DERA: variants seen among roughly 807,000 people sequenced by gnomAD.
DERA encodes the protein 2-deoxy-D-ribose 5-phosphate aldolase.
Under a neutral mutation model 41.1 loss-of-function variants are expected in DERA, and 15 were observed. That is an observed-to-expected ratio of 0.37 (90% CI 0.24 to 0.56). The LOEUF (loss-of-function observed/expected upper bound fraction) is 0.56, where lower values mean the gene tolerates loss of function less well. DERA is among the 20% of genes least tolerant of loss of function. The probability of loss-of-function intolerance (pLI) is 0.81; values close to 1 mark genes in which losing one functional copy is unlikely to be tolerated. For synonymous variants in DERA, 139 were observed against 137.4 expected, an observed-to-expected ratio of 1.01 and a Z score of -0.08; for missense variants, 396 against 403.4, an observed-to-expected ratio of 0.98 and a Z score of 0.16.
In DERA at chr12:15,915,402, A is replaced by G. The variant is rs1948191742; in HGVS notation, c.31+3988A>G. ...AATGTTTCTGATTTGGGTGATGGTG[A>G]TTTTCCACTGCAAAGTTAACGTTTA... On this transcript the variant is annotated intron_variant, in intron 1 of 8. Transcript: ENST00000428559. The surrounding 1 kb of genome is among the most constrained non-coding windows in gnomAD (Gnocchi z 4.8). Among the ~76,000 whole-genome samples, 1 of 152,104 alleles carries G rather than the reference A, an allele frequency of 6.6e-6. No individual in the cohort carries two copies. The highest frequency in any genetic ancestry group is 6.5e-5 in the Admixed American group (1 of 15,272).
chr12:16,023,991 G>A (rs1949036894), intron 6 of DERA, among the ~76,000 whole-genome samples: 1 of 152,112 alleles, frequency 6.6e-6, no homozygotes, highest in African/African-American at 2.4e-5. Context: ...AGAAACACTG[G>A]GACAAAATGA....
chr12:15,925,316 T>G (rs11056720), intron 1 of DERA, among the ~76,000 whole-genome samples: 14,376 of 152,210 alleles, frequency 0.094, 2,266 homozygotes, highest in African/African-American at 0.32. Context: ...TTATTCCTCT[T>G]GTTCCTTAAG....
At position 15,943,576 on chromosome 12, in the gene DERA, T is replaced by C. The variant is rs186887298; in HGVS notation, c.32-13360T>C. Among the ~76,000 whole-genome samples, 352 of 152,274 alleles carry C rather than the reference T, an allele frequency of 2.3e-3. 4 individuals are homozygous for C. The highest frequency in any genetic ancestry group is 8.2e-3 in the African/African-American group (341 of 41,576). ...TCACCATATGCATTGTATTTTATATTGCCACACAGTACATGCCACACAGTA... is the reference window on the plus strand; with the variant it reads ...TCACCATATGCATTGTATTTTATATCGCCACACAGTACATGCCACACAGTA... On this transcript the variant is annotated intron_variant, in intron 1 of 8. Coordinates refer to ENST00000428559, the MANE Select transcript of DERA (RefSeq NM_015954.4). This position sits in a 1 kb window ranked among gnomAD's most constrained non-coding sequence, Gnocchi z 4.5.
In DERA at chr12:16,026,705, A is replaced by G. The variant is rs975603904; in HGVS notation, c.638-5837A>G. ...TTCCAAAAGAAAGCACCAGCTCTAG[A>G]TGGCTTCATTGGTGAATTCTGCCAA... On this transcript the variant is annotated intron_variant, in intron 6 of 8. Coordinates refer to ENST00000428559, the MANE Select transcript of DERA (RefSeq NM_015954.4). This position sits in a 1 kb window ranked among gnomAD's most constrained non-coding sequence, Gnocchi z 4.4. Among the ~76,000 whole-genome samples, 2 of 151,930 alleles carry G rather than the reference A, an allele frequency of 1.3e-5. No homozygotes were observed. The highest frequency in any genetic ancestry group is 6.6e-5 in the Admixed American group (1 of 15,258).
rs1185384382 is a variant in DERA at position 15,959,159 on chromosome 12, G to T, written c.278-670G>T. Among the ~76,000 whole-genome samples the T allele has an allele frequency of 6.6e-6, 1 of 151,960 alleles. No homozygotes were observed. Among genetic ancestry groups the T allele is most frequent in the Admixed American group, 6.6e-5 (1 of 15,266 alleles). ...AACATACAAACCTAAACAACTCTAC[G>T]GCTTTTGAAAAGTATTTATTATGTT... On this transcript the variant is annotated intron_variant, in intron 3 of 8. Coordinates refer to ENST00000428559, the MANE Select transcript of DERA (RefSeq NM_015954.4). This position sits in a 1 kb window ranked among gnomAD's most constrained non-coding sequence, Gnocchi z 4.5.
intron 1 of DERA, among the ~76,000 whole-genome samples, chr12:15,932,886 G>A (rs1948339499): frequency 6.8e-6 from 1 of 147,674 alleles, no homozygotes; most frequent in Non-Finnish European, 1.5e-5. Context: ...ATTCTACTCT[G>A]TTTCTATGAA....
In DERA at chr12:15,998,737, G is replaced by A. The variant is rs1253091732; in HGVS notation, c.637+16301G>A. Reference sequence around the variant, plus strand: ...CACAGTTAACAAACCAATTGTTCTAGTAGTTATTTTCATTGCAATGTGCTT... The same window carrying A: ...CACAGTTAACAAACCAATTGTTCTAATAGTTATTTTCATTGCAATGTGCTT... On this transcript the variant is annotated intron_variant, in intron 6 of 8. Coordinates refer to ENST00000428559, the MANE Select transcript of DERA (RefSeq NM_015954.4). This position sits in a 1 kb window ranked among gnomAD's most constrained non-coding sequence, Gnocchi z 4.8. 6.6e-6 allele frequency among the ~76,000 whole-genome samples: 1 copy of A among 152,094 alleles called. No homozygotes were observed. The highest frequency in any genetic ancestry group is 2.4e-5 in the African/African-American group (1 of 41,420).
intron 7 of DERA, among the ~76,000 whole-genome samples, chr12:16,033,786 T>A (rs934888352): frequency 6.6e-6 from 1 of 152,156 alleles, no homozygotes; most frequent in Non-Finnish European, 1.5e-5. Flanking sequence ...ACCTTTTTTT[T>A]AATATACTGT....
chr12:15,957,004 G>A lies in DERA; in HGVS notation c.100G>A (p.Ala34Thr), dbSNP rs1387644123. 1.2e-6 allele frequency: 2 copies of A among 1,613,778 alleles called. No homozygotes were observed. The highest frequency in any genetic ancestry group is 3.3e-5 in the Admixed American group (2 of 60,002). ...TCTGAGGCGTGCGGAACAAATCCAG[G>A]CTCGCAGAACCGTGAAAAAGGAGTG... ...AVLRRAEQIQ[A>T]RRTVKKEWQA... Residue 34 changes from alanine (A) to threonine (T), a missense_variant, in exon 2 of 9, where the codon GCT (alanine) becomes ACT (threonine). Ala to Thr is a moderately conservative substitution (Grantham distance 58, BLOSUM62 0). Transcript: ENST00000428559. The surrounding 1 kb of genome is among the most constrained non-coding windows in gnomAD (Gnocchi z 4.8).
rs10744100 is a variant in DERA, at chr12:15,938,488, A to T, written c.32-18448A>T. On this transcript the variant is annotated intron_variant, in intron 1 of 8. Coordinates refer to ENST00000428559, the MANE Select transcript of DERA (RefSeq NM_015954.4). The surrounding 1 kb of genome is among the most constrained non-coding windows in gnomAD (Gnocchi z 4.1). Reference sequence around the variant, plus strand: ...AGTTGAATTATTACTCTGCTTTAATAAGCTTCTTAGCTGTATCAATCTATG... The same window carrying T: ...AGTTGAATTATTACTCTGCTTTAATTAGCTTCTTAGCTGTATCAATCTATG... 0.27 allele frequency among the ~76,000 whole-genome samples: 41,601 copies of T among 152,006 alleles called. 6,021 individuals carry two copies. Among genetic ancestry groups the T allele is most frequent in the Admixed American group, 0.36 (5,433 of 15,260 alleles).
intron 1 of DERA, among the ~76,000 whole-genome samples, chr12:15,949,460 C>T (rs866825038): frequency 6.6e-6 from 1 of 151,822 alleles, no homozygotes; most frequent in African/African-American, 2.4e-5. Context: ...GCTGTGCTAG[C>T]AATGAGCAAG....
In DERA at chr12:16,010,988, A is replaced by G. The variant is rs1334299222; in HGVS notation, c.638-21554A>G. 6.6e-6 allele frequency among the ~76,000 whole-genome samples: 1 copy of G among 152,102 alleles called. No individual in the cohort carries two copies. The highest frequency in any genetic ancestry group is 1.9e-4 in the East Asian group (1 of 5,202). On this transcript the variant is annotated intron_variant, in intron 6 of 8. Coordinates refer to ENST00000428559, the MANE Select transcript of DERA (RefSeq NM_015954.4). The surrounding 1 kb of genome is among the most constrained non-coding windows in gnomAD (Gnocchi z 5.5). ...TTTAAAAGCTTTGTGTTTAAAATTC[A>G]TAGCACTTTCTAATCCTGATAAAGT...
chr12:16,023,696 C>A (rs893125459), intron 6 of DERA, among the ~76,000 whole-genome samples: 1 of 151,854 alleles, frequency 6.6e-6, no homozygotes, highest in Admixed American at 6.6e-5. Context: ...CCGGGATGGT[C>A]TCGATCTCCT....
At position 15,972,640 on chromosome 12, in the gene DERA, C is replaced by T; in HGVS notation, c.509-9668C>T. ...GCATAGTGCAGAAGTCGGGGACCTCCAGCGTGCACCCAGAGAGGGAACGAT... is the reference window on the plus strand; with the variant it reads ...GCATAGTGCAGAAGTCGGGGACCTCTAGCGTGCACCCAGAGAGGGAACGAT... On this transcript the variant is annotated intron_variant, in intron 5 of 8. Coordinates refer to ENST00000428559, the MANE Select transcript of DERA (RefSeq NM_015954.4). The surrounding 1 kb of genome is among the most constrained non-coding windows in gnomAD (Gnocchi z 4.4). The T allele has an allele frequency of 5.7e-6, 1 of 176,338 alleles. No individual in the cohort carries two copies. Among genetic ancestry groups the T allele is most frequent in the South Asian group, 1.5e-4 (1 of 6,760 alleles). 10.9% of individuals were successfully genotyped at this position (176,338 alleles called of 1,614,324 possible). A position where few individuals can be genotyped will look rare whatever the true frequency, so the allele number is the denominator to read the frequency against.
intron 1 of DERA, among the ~76,000 whole-genome samples, chr12:15,934,847 A>G (rs1948353869): frequency 6.6e-6 from 1 of 152,206 alleles, no homozygotes; most frequent in South Asian, 2.1e-4. Context: ...GAAGTACTTA[A>G]TTTCTGAAAA....
chr12:15,918,638 C>G lies in DERA; in HGVS notation c.31+7224C>G, dbSNP rs181190143. Among the ~76,000 whole-genome samples the G allele has an allele frequency of 6.6e-6, 1 of 152,274 alleles. No homozygotes were observed. The highest frequency in any genetic ancestry group is 1.9e-4 in the East Asian group (1 of 5,176). The stretch of plus-strand genomic sequence containing the variant: ...TGCCTGCTGTTCCTGGCACTTGTTA[C>G]TTGCTGCTCATGGTCATGGCAGGGA... On this transcript the variant is annotated intron_variant, in intron 1 of 8. Transcript: ENST00000428559. This position sits in a 1 kb window ranked among gnomAD's most constrained non-coding sequence, Gnocchi z 4.3.
chr12:15,987,592 G>C (rs139101741), intron 6 of DERA, among the ~76,000 whole-genome samples: 2 of 151,936 alleles, frequency 1.3e-5, no homozygotes, highest in African/African-American at 4.8e-5. Flanking sequence ...TTTCCTTCTC[G>C]GACCCCAAGT....
intron 6 of DERA, among the ~76,000 whole-genome samples, chr12:16,015,237 C>A (rs990952762): frequency 3.3e-5 from 5 of 152,108 alleles, no homozygotes; most frequent in South Asian, 2.1e-4. Flanking sequence ...GGGCCAGGGG[C>A]AGAATGATAG....
chr12:15,987,887 C>G (rs1243990818), intron 6 of DERA, among the ~76,000 whole-genome samples: 2 of 152,116 alleles, frequency 1.3e-5, no homozygotes, highest in Non-Finnish European at 2.9e-5. Context: ...AAGGGCAAGC[C>G]AGGCGCGGAG....
Sources: gnomAD v4.1 joint callset for allele counts (sites outside exome capture counted in the v4.1 genomes callset) on GRCh38, gnomAD v4.1.1 for gene constraint, Gnocchi (gnomAD v3.1) non-coding constraint, MANE v1.5 for transcripts, NCBI Gene and HGNC (gene_info 2026-07-23, HGNC 2026-07-21) for gene names.